CACNA1C: variants seen among roughly 807,000 people sequenced by gnomAD.
The protein encoded by CACNA1C is voltage-dependent L-type calcium channel subunit alpha-1C.
Under a neutral mutation model 229.0 loss-of-function variants are expected in CACNA1C, and 30 were observed. The observed-to-expected ratio is 0.13, with a 90% CI of 0.10 to 0.18. The LOEUF (loss-of-function observed/expected upper bound fraction) is 0.18, where lower values mean the gene tolerates loss of function less well. CACNA1C is among the 10% of genes least tolerant of loss of function. CACNA1C has a pLI of 1.00. For missense variants in CACNA1C, 1,658 were observed against 2,845.0 expected (o/e 0.58, Z 9.49); for synonymous variants, 1,114 against 1,132.5 (o/e 0.98, Z 0.33).
chr12:2,605,014 A>T lies in CACNA1C; in HGVS notation c.2961-67A>T. The T allele has an allele frequency of 1.7e-6, 2 of 1,160,902 alleles. No homozygotes were observed. The highest frequency in any genetic ancestry group is 2.6e-6 in the Non-Finnish European group (2 of 768,292). The allele number at this position is 1,160,902 out of a possible 1,614,324, so 71.9% of individuals were successfully genotyped here. A position where few individuals can be genotyped will look rare whatever the true frequency, so the allele number is the denominator to read the frequency against. On this transcript the variant is annotated intron_variant, in intron 22 of 46. Coordinates refer to ENST00000399655, the MANE Select transcript of CACNA1C (RefSeq NM_000719.7). This position sits in a 1 kb window ranked among gnomAD's most constrained non-coding sequence, Gnocchi z 6.2. ...GATTCACCTGTCAGGACATTCCCTT[A>T]CCACATTATTTTTGCTCCCCCCAGA...
chr12:2,552,415 T>C (rs888782784), intron 10 of CACNA1C, among the ~76,000 whole-genome samples: 8 of 152,188 alleles, frequency 5.3e-5, no homozygotes, highest in Non-Finnish European at 8.8e-5. Context: ...AGGAAAGGCT[T>C]CTTTGCAGAA....
At chr12:2,425,172 G>T (rs2099017593) in intron 3 of CACNA1C, among the ~76,000 whole-genome samples, 1 of 152,216 alleles carries the variant, frequency 6.6e-6, no homozygotes, top group Non-Finnish European at 1.5e-5. Context: ...ATAAATTATA[G>T]TACAGCTATT....
chr12:2,004,048 G>A (rs1360208912), intron 1 of CACNA1C, among the ~76,000 whole-genome samples: 2 of 151,936 alleles, frequency 1.3e-5, no homozygotes, highest in Non-Finnish European at 2.9e-5. Flanking sequence ...CCCAGCGTTG[G>A]GTACGTTAGA....
chr12:2,499,190 C>T (rs1474822173), intron 7 of CACNA1C, among the ~76,000 whole-genome samples: 1 of 152,130 alleles, frequency 6.6e-6, no homozygotes, highest in East Asian at 1.9e-4. Flanking sequence ...GACATAGATT[C>T]TGAAAGCCGC....
At chr12:2,657,997 AAC>A (rs111747868) in intron 34 of CACNA1C, among the ~76,000 whole-genome samples, 3 of 151,244 alleles carry the variant, frequency 2.0e-5, no homozygotes, top group African/African-American at 4.8e-5. Context: ...GTATAAGGAG[AAC>A]ACACACACAC....
Position 2,058,429 on chromosome 12 carries a change from A to AT in CACNA1C, c.49+4820dup, listed in dbSNP as rs1243163969. On this transcript the variant is annotated intron_variant, in intron 1 of 46. Coordinates refer to ENST00000399655, the MANE Select transcript of CACNA1C (RefSeq NM_000719.7). ...ACCTGGAGACTTAACAACAAGCCTA[A>AT]TTAACAAAATAATCACACTGATTTC... is the stretch of plus-strand genomic sequence containing the variant. 3.9e-5 allele frequency among the ~76,000 whole-genome samples: 6 copies of AT among 152,366 alleles called. No individual in the cohort carries two copies. In the East Asian group the frequency reaches 1.2e-3, roughly 29 times the overall value.
chr12:2,118,433 T>C (rs113085099), intron 2 of CACNA1C, among the ~76,000 whole-genome samples: 1,962 of 152,322 alleles, frequency 0.013, 51 homozygotes, highest in African/African-American at 0.045. Flanking sequence ...GAACTGCCTA[T>C]GAAGGCTTCA....
chr12:2,056,303 A>C (rs2054846140), intron 1 of CACNA1C, among the ~76,000 whole-genome samples: 1 of 151,888 alleles, frequency 6.6e-6, no homozygotes, highest in African/African-American at 2.4e-5. Flanking sequence ...TTGAAGGACC[A>C]GCTTCTGACC....
At chr12:2,089,125 G>A (rs998456297) in intron 1 of CACNA1C, among the ~76,000 whole-genome samples, 59 of 152,164 alleles carry the variant, frequency 3.9e-4, no homozygotes, top group South Asian at 1.2e-3. Flanking sequence ...TTCATGGTTC[G>A]TGCACACGTG....
chr12:2,477,656 T>A (rs1011124788), intron 5 of CACNA1C, among the ~76,000 whole-genome samples: 1 of 152,140 alleles, frequency 6.6e-6, no homozygotes, highest in Non-Finnish European at 1.5e-5. Context: ...GAGGTCAGGT[T>A]CTTCTGTCCC....
At chr12:2,317,476 G>A (rs982094367) in intron 3 of CACNA1C, among the ~76,000 whole-genome samples, 2 of 152,102 alleles carry the variant, frequency 1.3e-5, no homozygotes, top group Admixed American at 6.5e-5. Flanking sequence ...GCAGGATGAC[G>A]GTTTTCAGGG....
At chr12:2,579,575 TATTA>T (rs904607274) in intron 13 of CACNA1C, among the ~76,000 whole-genome samples, 6 of 152,036 alleles carry the variant, frequency 3.9e-5, no homozygotes, top group African/African-American at 1.2e-4. Flanking sequence ...GTTGTTCTAT[TATTA>T]ATTAATTAAT....
chr12:2,609,568 G>C (rs926803434), intron 27 of CACNA1C, among the ~76,000 whole-genome samples: 1 of 149,318 alleles, frequency 6.7e-6, no homozygotes, highest in Admixed American at 6.7e-5. Flanking sequence ...ATTAGACCCC[G>C]ATCTAGTATC....
intron 3 of CACNA1C, among the ~76,000 whole-genome samples, chr12:2,179,496 C>G (rs1028732083): frequency 6.6e-6 from 1 of 152,202 alleles, no homozygotes; most frequent in East Asian, 1.9e-4. Context: ...TTGCCCCACT[C>G]GATGCGTGAT....
intron 3 of CACNA1C, among the ~76,000 whole-genome samples, chr12:2,406,677 C>A (rs886705484): frequency 1.3e-5 from 2 of 152,212 alleles, no homozygotes; most frequent in Non-Finnish European, 2.9e-5. Flanking sequence ...TCCACGGTTT[C>A]AAGCCTGCTT....
intron 1 of CACNA1C, among the ~76,000 whole-genome samples, chr12:2,071,167 TC>T (rs2061166572): frequency 1.4e-5 from 1 of 70,302 alleles, no homozygotes; most frequent in African/African-American, 6.1e-5. Context: ...CCTCCCTCCC[TC>T]CCTCCCTGCC....
intron 1 of CACNA1C, among the ~76,000 whole-genome samples, chr12:2,061,931 A>G (rs2057661007): frequency 6.6e-6 from 1 of 152,204 alleles, no homozygotes; most frequent in Admixed American, 6.5e-5. Context: ...GATAGAGGGG[A>G]CAGTTCTGTG....
At chr12:2,037,092 A>G (rs1237058598) in intron 1 of CACNA1C, among the ~76,000 whole-genome samples, 2 of 152,188 alleles carry the variant, frequency 1.3e-5, no homozygotes, top group Non-Finnish European at 2.9e-5. Flanking sequence ...TTTAGGGGGC[A>G]GTTTTTAGGC....
Position 2,566,658 on chromosome 12 carries a change from C to T in CACNA1C, c.1669+76C>T. On this transcript the variant is annotated intron_variant, in intron 12 of 46. Transcript: ENST00000399655. This position sits in a 1 kb window ranked among gnomAD's most constrained non-coding sequence, Gnocchi z 4.0. ...CAAGGCCCAGGGGAGGGCATAACCA[C>T]AGGCAGAAGGTGGAGGGGAAAGCAG... 7.7e-7 allele frequency: 1 copy of T among 1,291,062 alleles called. No homozygotes were observed. The highest frequency in any genetic ancestry group is 1.1e-6 in the Non-Finnish European group (1 of 933,574). The allele number at this position is 1,291,062 out of a possible 1,614,324, so 80.0% of individuals were successfully genotyped here. A position where few individuals can be genotyped will look rare whatever the true frequency, so the allele number is the denominator to read the frequency against.
Sources: allele counts gnomAD v4.1 joint callset (sites outside exome capture counted in the v4.1 genomes callset), GRCh38; gene constraint gnomAD v4.1.1; non-coding constraint Gnocchi (gnomAD v3.1); transcripts MANE v1.5; gene names NCBI Gene and HGNC (gene_info 2026-07-23, HGNC 2026-07-21).